The following GRIA2 variants were observed in gnomAD, a reference collection of about 807,000 sequenced individuals.
The protein encoded by GRIA2 is glutamate ionotropic receptor AMPA type subunit 2.
In GRIA2, 14 loss-of-function variants were observed where a neutral mutation model predicts 97.3. The observed-to-expected ratio is 0.14, with a 90% confidence interval of 0.10 to 0.23. The LOEUF is 0.23. GRIA2 is among the 10% of genes least tolerant of loss of function. GRIA2 has a pLI of 1.00. For missense variants in GRIA2, 558 were observed against 1,069.8 expected, an observed-to-expected ratio of 0.52 and a Z score of 6.67; for synonymous variants, 412 against 387.8, an observed-to-expected ratio of 1.06 and a Z score of -0.73.
At chr4:157,257,411 T>G (rs7692739) in intron 2 of GRIA2, among the ~76,000 whole-genome samples, 48,819 of 151,928 alleles carry the variant, frequency 0.32, 8,241 homozygotes, top group African/African-American at 0.42. Context: ...GAATGTGTCT[T>G]AAAAATACAG....
chr4:157,242,498 G>A (rs1181601015), intron 2 of GRIA2, among the ~76,000 whole-genome samples: 3 of 152,030 alleles, frequency 2.0e-5, no homozygotes, highest in African/African-American at 7.2e-5. Context: ...TGATGAAATT[G>A]AGGCAGATTG....
intron 2 of GRIA2, among the ~76,000 whole-genome samples, chr4:157,240,186 G>A (rs1458275115): frequency 1.3e-5 from 2 of 151,920 alleles, no homozygotes; most frequent in African/African-American, 4.8e-5. Flanking sequence ...TATATGCATG[G>A]GTGTGTGTGC....
In GRIA2 at chr4:157,363,770, T is replaced by C. The variant is rs1736749558; in HGVS notation, c.*339T>C. ...GATTAATTAAAACACAACATCTTTTTCTACTCGAGTTACAGACAAAGCGTG... is the reference window on the plus strand; with the variant it reads ...GATTAATTAAAACACAACATCTTTTCCTACTCGAGTTACAGACAAAGCGTG... On this transcript the variant is annotated 3_prime_UTR_variant, in exon 16 of 16. Coordinates refer to ENST00000264426, the MANE Select transcript of GRIA2 (RefSeq NM_001083619.3). 1 of 388,382 alleles carries C rather than the reference T, an allele frequency of 2.6e-6. No individual in the cohort carries two copies. Among genetic ancestry groups the C allele is most frequent in the Admixed American group, 4.5e-5 (1 of 22,216 alleles). The allele number at this position is 388,382 out of a possible 1,614,324, so 24.1% of individuals were successfully genotyped here.
chr4:157,237,594 A>G (rs375327617), intron 2 of GRIA2, among the ~76,000 whole-genome samples: 1 of 152,082 alleles, frequency 6.6e-6, no homozygotes, highest in East Asian at 1.9e-4. Flanking sequence ...TTTTTTTCTT[A>G]AGTAAATAAT....
chr4:157,321,075 TTAAG>T, intron 5 of GRIA2, among the ~76,000 whole-genome samples: 1 of 152,236 alleles, frequency 6.6e-6, no homozygotes, highest in East Asian at 1.9e-4. Flanking sequence ...TTTAATGTTA[TTAAG>T]TGTCTGTAAC....
chr4:157,226,944 T>C (rs1729774477), intron 2 of GRIA2, among the ~76,000 whole-genome samples: 1 of 152,158 alleles, frequency 6.6e-6, no homozygotes, highest in Non-Finnish European at 1.5e-5. Flanking sequence ...TATGTCAGAA[T>C]AATTAATCTG....
intron 3 of GRIA2, among the ~76,000 whole-genome samples, chr4:157,310,020 T>C (rs1384232648): frequency 6.6e-6 from 1 of 152,080 alleles, no homozygotes; most frequent in Non-Finnish European, 1.5e-5. Context: ...AAATGGAAAG[T>C]GGCTTAGAAT....
At chr4:157,317,757 T>C (rs1175182493) in intron 5 of GRIA2, 46 bp downstream of exon 5, 4 of 760,924 alleles carry the variant, frequency 5.3e-6, no homozygotes, top group Non-Finnish European at 9.0e-6. Context: ...ATATGCTTAT[T>C]TATTAAAAAT....
chr4:157,275,351 G>C (rs1359037892), intron 2 of GRIA2, among the ~76,000 whole-genome samples: 3 of 152,150 alleles, frequency 2.0e-5, no homozygotes, highest in Non-Finnish European at 2.9e-5. Flanking sequence ...TTCTTTTGCT[G>C]TGCAGAAGCT....
At chr4:157,280,887 C>T (rs1732562947) in intron 2 of GRIA2, among the ~76,000 whole-genome samples, 1 of 151,862 alleles carries the variant, frequency 6.6e-6, no homozygotes, top group Non-Finnish European at 1.5e-5. Context: ...GTGGTCTGTC[C>T]TCTGGCCCTG....
At chr4:157,339,843 C>A (rs1376351187) in intron 11 of GRIA2, among the ~76,000 whole-genome samples, 2 of 151,852 alleles carry the variant, frequency 1.3e-5, no homozygotes, top group African/African-American at 2.4e-5. Context: ...ATTTTGTCTA[C>A]ATAAGGCATT....
chr4:157,256,254 A>ATATTATATATAATATAT (rs11416827), intron 2 of GRIA2, among the ~76,000 whole-genome samples: 1 of 106,658 alleles, frequency 9.4e-6, no homozygotes, highest in Admixed American at 1.0e-4. Flanking sequence ...ATAATATATA[A>ATATTATATATAATATAT]ATTATATATT....
intron 2 of GRIA2, among the ~76,000 whole-genome samples, chr4:157,275,195 G>A (rs190551488): frequency 2.0e-4 from 30 of 151,920 alleles, no homozygotes; most frequent in African/African-American, 5.8e-4. Flanking sequence ...CATATCCTTC[G>A]CCCACTTTTT....
chr4:157,327,838 G>T (rs554429889), intron 6 of GRIA2, among the ~76,000 whole-genome samples: 61 of 152,154 alleles, frequency 4.0e-4, no homozygotes, highest in African/African-American at 1.4e-3. Context: ...TATTAGATCT[G>T]CCTGAAAATA....
At chr4:157,221,362 T>C in intron 1 of GRIA2, 1 of 563,138 alleles carries the variant, frequency 1.8e-6, no homozygotes, top group Non-Finnish European at 3.1e-6. Context: ...CAAATTTTAT[T>C]AATTCTGCCT....
Position 157,317,695 on chromosome 4 carries a change from A to G in GRIA2, c.704A>G (p.Tyr235Cys). ...GGAAAACATGTTAAAGGGTACCACT[A>G]CATCATTGCAAATCTGGTAGGTGAA... ...TIGKHVKGYH[Y>C]IIANLGFTDG... The change falls in exon 5 of 16, where the codon TAC becomes TGC. Residue 235 changes from tyrosine (Y) to cysteine (C), a missense_variant. This residue lies in a region of GRIA2 where 173 missense variants were observed against 209.1 expected (regional missense o/e 0.83). Coordinates refer to ENST00000264426, the MANE Select transcript of GRIA2 (RefSeq NM_001083619.3). The G allele has an allele frequency of 8.1e-7, 1 of 1,230,112 alleles. No individual in the cohort carries two copies. The highest frequency in any genetic ancestry group is 1.2e-6 in the Non-Finnish European group (1 of 836,348). The allele number at this position is 1,230,112 out of a possible 1,614,324, so 76.2% of individuals were successfully genotyped here. A position where few individuals can be genotyped will look rare whatever the true frequency, so the allele number is the denominator to read the frequency against.
intron 14 of GRIA2, 27 bp from the exon 15 acceptor site, chr4:157,362,772 T>C (rs1411062782): frequency 6.3e-7 from 1 of 1,592,150 alleles, no homozygotes; most frequent in African/African-American, 1.4e-5. Context: ...GCCTTCCTAA[T>C]AACCTCTTCT....
At chr4:157,277,289 A>G (rs1462273938) in intron 2 of GRIA2, among the ~76,000 whole-genome samples, 1 of 151,970 alleles carries the variant, frequency 6.6e-6, no homozygotes, top group Non-Finnish European at 1.5e-5. Flanking sequence ...GAAAGATCGC[A>G]TAATCATATC....
intron 2 of GRIA2, among the ~76,000 whole-genome samples, chr4:157,241,616 AC>A (rs1730515816): frequency 6.6e-6 from 1 of 152,044 alleles, no homozygotes; most frequent in Admixed American, 6.6e-5. Flanking sequence ...AAACATTTTT[AC>A]TAATATAATG....
Sources: allele counts gnomAD v4.1 joint callset (sites outside exome capture counted in the v4.1 genomes callset), GRCh38; gene constraint gnomAD v4.1.1; regional missense constraint gnomAD v4.1.1; transcripts MANE v1.5; gene names NCBI Gene and HGNC (gene_info 2026-07-23, HGNC 2026-07-21).